The following TAF1 variants were observed in gnomAD, a reference collection of about 807,000 sequenced individuals.
TAF1 encodes the protein TATA-box binding protein associated factor 1, also known as transcription initiation factor TFIID subunit 1.
A neutral mutation model predicts 138.5 loss-of-function variants in TAF1; 2 were observed. That is an observed-to-expected ratio of 0.01 (90% CI 0.01 to 0.05). The LOEUF (loss-of-function observed/expected upper bound fraction) is 0.05, where lower values mean the gene tolerates loss of function less well. TAF1 is among the 10% of genes least tolerant of loss of function. The probability of loss-of-function intolerance (pLI) is 1.00; values close to 1 mark genes in which losing one functional copy is unlikely to be tolerated. For missense variants in TAF1, 709 were observed against 1,478.0 expected (o/e 0.48, Z 8.53); for synonymous variants, 437 against 503.2 (o/e 0.87, Z 1.76).
At chrX:71,392,803 C>G in intron 19 of TAF1, 72 bp from the exon 20 acceptor site, 4 of 1,196,365 alleles carry the variant, frequency 3.3e-6, no homozygotes, top group Non-Finnish European at 2.3e-6. Flanking sequence ...GTTAAGGTAG[C>G]AGAATGACTT....
At chrX:71,417,983 A>G (rs924103342) in intron 28 of TAF1, among the ~76,000 whole-genome samples, 3 of 112,521 alleles carry the variant, frequency 2.7e-5, no homozygotes, top group African/African-American at 9.7e-5. Flanking sequence ...AATCTAGTAT[A>G]TATTTTCAGC....
chrX:71,458,857 A>G (rs752431330), intron 35 of TAF1, among the ~76,000 whole-genome samples: 8 of 111,821 alleles, frequency 7.2e-5, no homozygotes, highest in Non-Finnish European at 1.1e-4. Flanking sequence ...TTCTATCCCA[A>G]AGAGTTCAAC....
chrX:71,499,585 T>C (rs921873713), intron 13 of TAF1, among the ~76,000 whole-genome samples: 7 of 112,162 alleles, frequency 6.2e-5, no homozygotes, highest in Admixed American at 4.7e-4. Context: ...CATTGAATAA[T>C]TCATGGGCTT....
chrX:71,432,080 G>A (rs959364175), intron 32 of TAF1, among the ~76,000 whole-genome samples: 1 of 111,229 alleles, frequency 9.0e-6, no homozygotes, highest in African/African-American at 3.3e-5. Flanking sequence ...GAAGTTATTA[G>A]AGGATGGTTA....
chrX:71,399,134 T>G (rs2035017623), intron 24 of TAF1, among the ~76,000 whole-genome samples: 1 of 110,975 alleles, frequency 9.0e-6, no homozygotes, highest in Non-Finnish European at 1.9e-5. Context: ...GAGACCGGGT[T>G]TTGCCATGTT....
chrX:71,424,947 A>G (rs1463630076), intron 32 of TAF1, among the ~76,000 whole-genome samples: 3 of 112,241 alleles, frequency 2.7e-5, no homozygotes, highest in Non-Finnish European at 5.6e-5. Context: ...TAAAGCAAGC[A>G]TATATTTTAG....
intron 13 of TAF1, chrX:71,528,525 A>T (rs1198609492): frequency 6.1e-6 from 2 of 325,631 alleles, no homozygotes; most frequent in South Asian, 5.3e-5. Flanking sequence ...TGGGCTCTGC[A>T]TTGTAACTCC....
chrX:71,378,229 T>C lies in TAF1; in HGVS notation c.934-6T>C, dbSNP rs768778102. ...CTCCCTGCTCTACTTCTTTCTTCTG[T>C]TACAGATCACGATGATGGCTCCTGT... On this transcript the variant is annotated splice_polypyrimidine_tract_variant and splice_region_variant and intron_variant, in intron 6 of 37. Coordinates refer to ENST00000423759, the MANE Select transcript of TAF1 (RefSeq NM_004606.5). 1.2e-5 allele frequency: 14 copies of C among 1,208,475 alleles called. No individual in the cohort carries two copies. In the Middle Eastern group the frequency reaches 6.9e-4, roughly 59 times the overall value.
chrX:71,473,551 A>G (rs2038927450), intron 13 of TAF1, among the ~76,000 whole-genome samples: 1 of 109,460 alleles, frequency 9.1e-6, no homozygotes, highest in Non-Finnish European at 1.9e-5. Context: ...GGTGGTGTGC[A>G]CCTCTAGTCC....
downstream of TAF1, among the ~76,000 whole-genome samples, chrX:71,467,915 C>G (rs181494456): frequency 1.6e-4 from 18 of 111,762 alleles, no homozygotes; most frequent in Admixed American, 1.6e-3. Context: ...GGGAGTGTAA[C>G]TCAGTACAAC....
chrX:71,388,176 C>T, intron 15 of TAF1, 61 bp from the exon 16 acceptor site: 1 of 1,183,794 alleles, frequency 8.4e-7, no homozygotes, highest in Non-Finnish European at 1.1e-6. Flanking sequence ...AAGGAAGAGG[C>T]CCTAGTGAGG....
chrX:71,395,240 G>C (rs897311051), intron 22 of TAF1, among the ~76,000 whole-genome samples: 19 of 111,765 alleles, frequency 1.7e-4, no homozygotes, highest in African/African-American at 6.2e-4. Flanking sequence ...CTGACATGCT[G>C]GCTCATGCCT....
chrX:71,484,813 A>C (rs1010841614), intron 13 of TAF1: 1 of 111,778 alleles, frequency 8.9e-6, no homozygotes, highest in African/African-American at 3.3e-5. Flanking sequence ...TATTACTTGC[A>C]AGACTAGGTT....
rs751302279 is a variant in TAF1, at chrX:71,378,671, TGG to T, written c.1153-151_1153-150del. Among the ~76,000 whole-genome samples the T allele has an allele frequency of 1.2e-3, 135 of 111,138 alleles. 1 individual carries two copies. Among genetic ancestry groups the T allele is most frequent in the African/African-American group, 4.4e-3 (134 of 30,593 alleles). On this transcript the variant is annotated intron_variant, in intron 7 of 37. Coordinates refer to ENST00000423759, the MANE Select transcript of TAF1 (RefSeq NM_004606.5). ...AATGAATGCTGTGCCAGACTAGGAG[TGG>T]GAAGAGGCAAATATTCCTCCGTTAT...
chrX:71,484,833 C>A, intron 13 of TAF1: 1 of 113,396 alleles, frequency 8.8e-6, no homozygotes, highest in Non-Finnish European at 1.9e-5. Flanking sequence ...TACAAAAGAC[C>A]ATGACTTCTG....
At chrX:71,417,974 A>G (rs1405840336) in intron 28 of TAF1, among the ~76,000 whole-genome samples, 3 of 112,489 alleles carry the variant, frequency 2.7e-5, no homozygotes, top group Non-Finnish European at 5.6e-5. Context: ...CATATGGTCA[A>G]TCTAGTATAT....
At chrX:71,438,480 CTTTTATGAATATGTAACG>C (rs886739283) in intron 32 of TAF1, among the ~76,000 whole-genome samples, 3 of 111,645 alleles carry the variant, frequency 2.7e-5, no homozygotes, top group Admixed American at 9.5e-5. Flanking sequence ...AGCCAGACTT[CTTTTATGAATATGTAACG>C]TCTCTCACTA....
intron 28 of TAF1, chrX:71,420,019 ATTC>A: frequency 3.4e-6 from 1 of 292,974 alleles, no homozygotes; most frequent in Non-Finnish European, 6.1e-6. Flanking sequence ...ATTTTTTTTA[ATTC>A]TTTTTTTTTT....
At position 71,460,764 on chromosome X, in the gene TAF1, G is replaced by A; in HGVS notation, c.5360G>A (p.Gly1787Asp). ...AGCATGATGTCCTATGAGGGAGACGGTGGGGAGGCTTCCCATGGTTTGGAG... is the reference window on the plus strand; with the variant it reads ...AGCATGATGTCCTATGAGGGAGACGATGGGGAGGCTTCCCATGGTTTGGAG... Reference protein sequence around the residue: ...EESMMSYEGDGGEASHGLEDS... With the variant: ...EESMMSYEGDDGEASHGLEDS... Residue 1787 changes from glycine to aspartate, a missense_variant, in exon 37 of 38, where the codon GGT becomes GAT. This residue lies in a region of TAF1 where 123 missense variants were observed against 174.7 expected (regional missense o/e 0.70). Transcript: ENST00000423759. 1.7e-6 allele frequency: 2 copies of A among 1,198,875 alleles called. No individual in the cohort carries two copies. Among genetic ancestry groups the A allele is most frequent in the Non-Finnish European group, 2.3e-6 (2 of 888,332 alleles).
Sources: gnomAD v4.1 joint callset for allele counts (sites outside exome capture counted in the v4.1 genomes callset) on GRCh38, gnomAD v4.1.1 for gene constraint, gnomAD v4.1.1 regional missense constraint, MANE v1.5 for transcripts, NCBI Gene and HGNC (gene_info 2026-07-23, HGNC 2026-07-21) for gene names.